NCAPG2: variants seen among roughly 807,000 people sequenced by gnomAD.
NCAPG2 encodes non-SMC condensin II complex subunit G2.
NCAPG2 carries 53 observed loss-of-function variants against 141.1 expected under a neutral mutation model. That is an observed-to-expected ratio of 0.38 (90% confidence interval 0.30 to 0.47). The LOEUF (loss-of-function observed/expected upper bound fraction) is 0.47, where lower values mean the gene tolerates loss of function less well. Ranked by LOEUF, NCAPG2 falls within the 20% of genes least tolerant of loss-of-function variation. The pLI is 0.99. For synonymous variants in NCAPG2, 499 were observed against 490.7 expected, an observed-to-expected ratio of 1.02 and a Z score of -0.22; for missense variants, 1,087 against 1,389.0, an observed-to-expected ratio of 0.78 and a Z score of 3.46.
At chr7:158,698,028 G>A (rs971038411) in intron 2 of NCAPG2, among the ~76,000 whole-genome samples, 1 of 152,278 alleles carries the variant, frequency 6.6e-6, no homozygotes, top group South Asian at 2.1e-4. Flanking sequence ...TAATACCTCA[G>A]TGATGAAATA....
Position 158,683,405 on chromosome 7 carries a change from T to C in NCAPG2, c.838-19A>G, listed in dbSNP as rs767487472. 1 of 1,579,210 alleles carries C rather than the reference T, an allele frequency of 6.3e-7. No individual in the cohort carries two copies. Among genetic ancestry groups the C allele is most frequent in the African/African-American group, 1.4e-5 (1 of 73,152 alleles). ...CAATCGCCTGAAATAACAAATGCAATGCAAAGCACTTGGTGTGTGTGTGTC... is the reference window on the plus strand; with the variant it reads ...CAATCGCCTGAAATAACAAATGCAACGCAAAGCACTTGGTGTGTGTGTGTC... On this transcript the variant is annotated intron_variant, in intron 8 of 27. Coordinates refer to ENST00000356309, the MANE Select transcript of NCAPG2 (RefSeq NM_017760.7).
rs113015022 is a variant in NCAPG2, at chr7:158,703,978, T to G, written c.-40+746A>C. 9.7e-3 allele frequency among the ~76,000 whole-genome samples: 1,334 copies of G among 138,014 alleles called. 17 individuals carry two copies. The highest frequency in any genetic ancestry group is 0.034 in the African/African-American group (1,247 of 36,542). The allele number at this position is 138,014 out of a possible 152,430, so 90.5% of individuals were successfully genotyped here. On this transcript the variant is annotated intron_variant, in intron 1 of 27. Transcript: ENST00000356309. ...TGAGGGGACTCTCTCTGAGGGCAGT[T>G]CCCATGCCCAGGACAGAGGGGGTCG...
intron 22 of NCAPG2, among the ~76,000 whole-genome samples, chr7:158,652,929 A>AT: frequency 6.6e-6 from 1 of 152,342 alleles, no homozygotes; most frequent in Non-Finnish European, 1.5e-5. Flanking sequence ...CAAAAAGTAA[A>AT]TTTTTTAAAT....
chr7:158,673,232 G>C (rs1833856383), intron 12 of NCAPG2, among the ~76,000 whole-genome samples: 1 of 152,224 alleles, frequency 6.6e-6, no homozygotes, highest in African/African-American at 2.4e-5. Context: ...AGAGGAGCAA[G>C]GGGGAGAGAG....
intron 27 of NCAPG2, among the ~76,000 whole-genome samples, chr7:158,637,017 G>C (rs1402337874): frequency 6.6e-6 from 1 of 151,332 alleles, no homozygotes; most frequent in Non-Finnish European, 1.5e-5. Flanking sequence ...GTGTGATCTT[G>C]GCTCACTGCA....
chr7:158,695,165 A>G (rs930884282), intron 2 of NCAPG2, among the ~76,000 whole-genome samples: 21 of 152,150 alleles, frequency 1.4e-4, no homozygotes, highest in Non-Finnish European at 2.9e-4. Flanking sequence ...TTCAAAGATC[A>G]AGAGGTTCTA....
chr7:158,683,817 G>A (rs552241742), intron 8 of NCAPG2, among the ~76,000 whole-genome samples: 3 of 152,266 alleles, frequency 2.0e-5, no homozygotes, highest in East Asian at 3.9e-4. Flanking sequence ...CCTCTACGGC[G>A]GAAACTGTAA....
intron 22 of NCAPG2, among the ~76,000 whole-genome samples, chr7:158,654,008 C>T (rs1361654331): frequency 6.6e-6 from 1 of 152,098 alleles, no homozygotes; most frequent in Non-Finnish European, 1.5e-5. Context: ...CCCAGCTCAG[C>T]AGTACTCTTC....
chr7:158,686,806 A>T (rs1409799327), intron 7 of NCAPG2, among the ~76,000 whole-genome samples: 1 of 152,200 alleles, frequency 6.6e-6, no homozygotes, highest in Non-Finnish European at 1.5e-5. Context: ...GAAATTTAGA[A>T]AGCAAAGCCT....
rs763038527 is a variant in NCAPG2 at position 158,644,367 on chromosome 7, A to G, written c.3302T>C (p.Val1101Ala). The G allele has an allele frequency of 6.2e-7, 1 of 1,613,822 alleles. No individual in the cohort carries two copies. The highest frequency in any genetic ancestry group is 8.5e-7 in the Non-Finnish European group (1 of 1,179,786). Residue 1101 changes from valine to alanine, a missense_variant, in exon 27 of 28, where the codon GTG becomes GCG. Transcript: ENST00000356309. The stretch of plus-strand genomic sequence containing the variant: ...GTGAACAGTGGCTGCAACCTCCCTC[A>G]CTTTTGAGCTTTTATGTTTACCTGG... ...INAGKHKSSK[V>A]REVAATVHRK...
At chr7:158,653,753 C>T (rs1486282823) in intron 22 of NCAPG2, among the ~76,000 whole-genome samples, 2 of 152,240 alleles carry the variant, frequency 1.3e-5, no homozygotes, top group Non-Finnish European at 2.9e-5. Context: ...TCAATCTCTT[C>T]TAGCAAATAA....
At chr7:158,642,930 A>G (rs1426590514) in intron 27 of NCAPG2, among the ~76,000 whole-genome samples, 2 of 152,090 alleles carry the variant, frequency 1.3e-5, no homozygotes, top group East Asian at 3.9e-4. Context: ...GCGTGCCACC[A>G]CACCCGGCTA....
At chr7:158,661,357 T>C (rs1832489530) in intron 16 of NCAPG2, among the ~76,000 whole-genome samples, 1 of 152,226 alleles carries the variant, frequency 6.6e-6, no homozygotes, top group South Asian at 2.1e-4. Flanking sequence ...GCTGTTGGCC[T>C]ATTTTTAAAT....
chr7:158,644,754 A>G (rs1464436887), intron 26 of NCAPG2, among the ~76,000 whole-genome samples: 3 of 152,150 alleles, frequency 2.0e-5, no homozygotes, highest in Non-Finnish European at 2.9e-5. Context: ...CATCCTCAAC[A>G]TCCTCCTGGT....
At chr7:158,681,655 T>C (rs1319412796) in intron 9 of NCAPG2, among the ~76,000 whole-genome samples, 3 of 152,214 alleles carry the variant, frequency 2.0e-5, no homozygotes, top group African/African-American at 7.2e-5. Flanking sequence ...ATAAGTGACA[T>C]TAGTCTATAG....
chr7:158,657,877 A>T (rs60680627), intron 17 of NCAPG2, among the ~76,000 whole-genome samples: 79,127 of 150,528 alleles, frequency 0.53, 21,518 homozygotes, highest in Non-Finnish European at 0.6. Context: ...TCTCTGAAAC[A>T]TGTGCTGTGT....
At chr7:158,667,534 C>T (rs1249045432) in intron 13 of NCAPG2, among the ~76,000 whole-genome samples, 1 of 17,900 alleles carries the variant, frequency 5.6e-5, no homozygotes, top group African/African-American at 2.7e-4. Flanking sequence ...CTTACCTACC[C>T]TGTGGCCCTC....
intron 12 of NCAPG2, among the ~76,000 whole-genome samples, chr7:158,674,191 G>A (rs1833915688): frequency 1.3e-5 from 2 of 152,280 alleles, no homozygotes; most frequent in South Asian, 4.1e-4. Context: ...GAGAAATGGG[G>A]GAGCCTCTGC....
intron 27 of NCAPG2, among the ~76,000 whole-genome samples, chr7:158,632,121 A>G (rs1394281233): frequency 2.0e-5 from 3 of 152,196 alleles, no homozygotes; most frequent in African/African-American, 7.2e-5. Context: ...CTCTACTACC[A>G]TGACATTTAC....
Sources: allele counts gnomAD v4.1 joint callset (sites outside exome capture counted in the v4.1 genomes callset), GRCh38; gene constraint gnomAD v4.1.1; transcripts MANE v1.5; gene names NCBI Gene and HGNC (gene_info 2026-07-23, HGNC 2026-07-21).